KCNMA1: variants seen among roughly 807,000 people sequenced by gnomAD.
The protein encoded by KCNMA1 is Calcium-activated potassium channel subunit alpha-1.
KCNMA1 carries 29 observed loss-of-function variants against 140.0 expected under a neutral mutation model. The observed-to-expected ratio is 0.21, with a 90% CI of 0.15 to 0.28. The LOEUF is 0.28. Among genes scored for constraint, KCNMA1 ranks in the 10% least tolerant of loss-of-function variants. The probability of loss-of-function intolerance (pLI) is 1.00; values close to 1 mark genes in which losing one functional copy is unlikely to be tolerated. For missense variants in KCNMA1, 880 were observed against 1,602.2 expected (o/e 0.55, Z 7.70); for synonymous variants, 612 against 611.9 (o/e 1.00, Z 0.00).
At chr10:77,204,399 G>A (rs1177172472) in intron 3 of KCNMA1, among the ~76,000 whole-genome samples, 1 of 152,118 alleles carries the variant, frequency 6.6e-6, no homozygotes, top group African/African-American at 2.4e-5. Flanking sequence ...GAGTCTCCCC[G>A]AGGGCATTCA....
chr10:77,565,728 C>A (rs537841590), intron 1 of KCNMA1, among the ~76,000 whole-genome samples: 1 of 152,328 alleles, frequency 6.6e-6, no homozygotes, highest in Admixed American at 6.5e-5. Flanking sequence ...TAGTACTTGG[C>A]ACAAGATAAG....
At chr10:77,623,443 C>G (rs141547554) in intron 1 of KCNMA1, among the ~76,000 whole-genome samples, 1 of 152,008 alleles carries the variant, frequency 6.6e-6, no homozygotes, top group Non-Finnish European at 1.5e-5. Flanking sequence ...CACCTGTAAT[C>G]CCAGCACTCT....
At chr10:77,601,955 C>T (rs1330555402) in intron 1 of KCNMA1, among the ~76,000 whole-genome samples, 3 of 152,112 alleles carry the variant, frequency 2.0e-5, no homozygotes. Flanking sequence ...CCCTTGATTT[C>T]GAGAAGAGCC....
intron 1 of KCNMA1, among the ~76,000 whole-genome samples, chr10:77,481,414 A>G (rs567499566): frequency 6.6e-6 from 1 of 152,168 alleles, no homozygotes; most frequent in South Asian, 2.1e-4. Context: ...AGTCCAAGGA[A>G]ATGCTCAATT....
At chr10:77,331,975 T>G (rs1308794490) in intron 2 of KCNMA1, among the ~76,000 whole-genome samples, 1 of 152,138 alleles carries the variant, frequency 6.6e-6, no homozygotes, top group Non-Finnish European at 1.5e-5. Context: ...AATTAGACCA[T>G]GCACATAGAT....
At chr10:76,901,083 C>T (rs974566206) in intron 25 of KCNMA1, among the ~76,000 whole-genome samples, 2 of 151,912 alleles carry the variant, frequency 1.3e-5, no homozygotes, top group African/African-American at 4.8e-5. Context: ...CTCATAAAGT[C>T]CTATGGAGGC....
chr10:76,990,667 G>A (rs1030996043), intron 19 of KCNMA1, among the ~76,000 whole-genome samples: 2 of 152,130 alleles, frequency 1.3e-5, no homozygotes, highest in Non-Finnish European at 2.9e-5. Flanking sequence ...AGGTCATTGT[G>A]CATCCCTTCT....
chr10:77,422,598 C>A (rs2096890778), intron 1 of KCNMA1, among the ~76,000 whole-genome samples: 1 of 152,174 alleles, frequency 6.6e-6, no homozygotes, highest in African/African-American at 2.4e-5. Context: ...CAATAGTAAT[C>A]CCCAGTTCCT....
intron 1 of KCNMA1, among the ~76,000 whole-genome samples, chr10:77,632,304 G>T (rs1224907739): frequency 3.3e-5 from 5 of 152,182 alleles, no homozygotes; most frequent in Non-Finnish European, 7.3e-5. Context: ...GGTAGACAGT[G>T]AGTGTCCTGG....
chr10:77,010,205 G>A (rs865911228), intron 18 of KCNMA1, among the ~76,000 whole-genome samples: 33 of 152,018 alleles, frequency 2.2e-4, no homozygotes, highest in African/African-American at 7.7e-4. Context: ...TTCACCTCTT[G>A]TATTTGTTGT....
At chr10:77,354,396 C>T (rs1402758034) in intron 2 of KCNMA1, 2 of 152,258 alleles carry the variant, frequency 1.3e-5, no homozygotes, top group Non-Finnish European at 2.9e-5. Context: ...TTGGATATTT[C>T]TTCCTCTTAT....
intron 14 of KCNMA1, among the ~76,000 whole-genome samples, chr10:77,058,671 A>ATTAT (rs1202437631): frequency 6.6e-6 from 1 of 152,126 alleles, no homozygotes; most frequent in African/African-American, 2.4e-5. Context: ...CATGGATCAA[A>ATTAT]GAAGTTTCAT....
rs200933957 is a variant in KCNMA1 at position 76,886,769 on chromosome 10, T to C, written c.*497A>G. ...ACTGGAAACAATCAATATGTTTTCA[T>C]TGCTGTTTGGTTGCTTGTTTCAAAT... On this transcript the variant is annotated 3_prime_UTR_variant, in exon 28 of 28. Transcript: ENST00000286628. 145 of 1,026,864 alleles carry C rather than the reference T, an allele frequency of 1.4e-4. No homozygotes were observed. Among genetic ancestry groups the C allele is most frequent in the South Asian group, 2.2e-4 (6 of 26,866 alleles). The allele number at this position is 1,026,864 out of a possible 1,614,324, so 63.6% of individuals were successfully genotyped here.
Position 77,001,552 on chromosome 10 carries a change from T to G in KCNMA1, c.2121A>C (p.Arg707Ser). The G allele has an allele frequency of 2.6e-6, 4 of 1,552,048 alleles. No homozygotes were observed. In the South Asian group the frequency reaches 4.8e-5, roughly 18 times the overall value. Residue 707 changes from arginine to serine, a missense_variant, in exon 19 of 28, where the codon AGA (arginine) becomes AGC (serine). Physicochemically the swap from Arg to Ser is moderately radical, Grantham distance 110. This residue lies in a region of KCNMA1 where 196 missense variants were observed against 233.0 expected (regional missense o/e 0.84). Transcript: ENST00000286628. ...GTCCGCAATCAAAACAACATGCCCG[T>G]CTCATTCTCTTGTAGATGGACATCT... is the stretch of plus-strand genomic sequence containing the variant. ...RPKMSIYKRM[R>S]RACCFDCGRS...
chr10:77,619,629 C>T (rs1244721276), intron 1 of KCNMA1, among the ~76,000 whole-genome samples: 2 of 152,102 alleles, frequency 1.3e-5, no homozygotes, highest in Non-Finnish European at 2.9e-5. Context: ...ATTGAGCGAC[C>T]CCTGGTCACT....
At chr10:77,228,329 G>A (rs749045742) in intron 3 of KCNMA1, among the ~76,000 whole-genome samples, 6 of 152,096 alleles carry the variant, frequency 3.9e-5, no homozygotes, top group East Asian at 1.9e-4. Flanking sequence ...CCAACCACTC[G>A]GTTTCCTGGT....
chr10:77,547,940 T>C (rs1043467298), intron 1 of KCNMA1, among the ~76,000 whole-genome samples: 2 of 152,160 alleles, frequency 1.3e-5, no homozygotes, highest in African/African-American at 2.4e-5. Flanking sequence ...AAAGGCATAG[T>C]TGAGTGGCTG....
At chr10:77,104,040 C>T (rs184565452) in intron 9 of KCNMA1, among the ~76,000 whole-genome samples, 59 of 152,294 alleles carry the variant, frequency 3.9e-4, no homozygotes, top group African/African-American at 1.3e-3. Context: ...AGGTTCAAAC[C>T]CCAGCCCAAC....
intron 3 of KCNMA1, among the ~76,000 whole-genome samples, chr10:77,236,612 T>C (rs2055558918): frequency 1.3e-5 from 2 of 152,238 alleles, no homozygotes; most frequent in South Asian, 4.1e-4. Context: ...AAACGCTTTT[T>C]AGCAAATTCC....
Sources: allele counts gnomAD v4.1 joint callset (sites outside exome capture counted in the v4.1 genomes callset), GRCh38; gene constraint gnomAD v4.1.1; regional missense constraint gnomAD v4.1.1; transcripts MANE v1.5; gene names NCBI Gene and HGNC (gene_info 2026-07-23, HGNC 2026-07-21).